GFM2: variants seen among roughly 807,000 people sequenced by gnomAD.
GFM2 encodes ribosome-releasing factor 2, mitochondrial.
In GFM2, 72 loss-of-function variants were observed where a neutral mutation model predicts 95.4. That is an observed-to-expected ratio of 0.76 (90% CI 0.62 to 0.92). GFM2 has a LOEUF of 0.92. GFM2 is among the 40% of genes least tolerant of loss of function. The probability of loss-of-function intolerance (pLI) is 0.00; values close to 1 mark genes in which losing one functional copy is unlikely to be tolerated. For synonymous variants in GFM2, 276 were observed against 317.5 expected (o/e 0.87, Z 1.39); for missense variants, 825 against 924.1 (o/e 0.89, Z 1.39).
intron 7 of GFM2, among the ~76,000 whole-genome samples, chr5:74,749,207 G>T (rs1452175911): frequency 6.6e-6 from 1 of 151,874 alleles, no homozygotes; most frequent in Admixed American, 6.6e-5. Flanking sequence ...TAAAGATGGG[G>T]TTTCGCCATG....
intron 20 of GFM2, 65 bp from the exon 21 acceptor site, chr5:74,721,848 AT>A: frequency 6.8e-7 from 1 of 1,480,622 alleles, no homozygotes. Flanking sequence ...CTTCCTGCTG[AT>A]TATCTTTTGA....
chr5:74,752,422 C>T (rs961753589), intron 5 of GFM2, among the ~76,000 whole-genome samples: 4 of 152,100 alleles, frequency 2.6e-5, no homozygotes, highest in African/African-American at 9.7e-5. Context: ...AATATGTATA[C>T]ACACACATAG....
At chr5:74,736,435 A>G (rs1742837049) in intron 15 of GFM2, 1 of 984,378 alleles carries the variant, frequency 1.0e-6, no homozygotes, top group Non-Finnish European at 1.2e-6. Flanking sequence ...AAACAAGGTA[A>G]AACAGCATTT....
chr5:74,737,290 C>T (rs1579986553), intron 14 of GFM2, among the ~76,000 whole-genome samples: 2 of 152,256 alleles, frequency 1.3e-5, no homozygotes, highest in South Asian at 4.1e-4. Flanking sequence ...CATGACAAGA[C>T]AGGTTAGGGA....
At chr5:74,764,618 C>G (rs951331099) in intron 1 of GFM2, among the ~76,000 whole-genome samples, 11 of 151,510 alleles carry the variant, frequency 7.3e-5, no homozygotes, top group Non-Finnish European at 1.6e-4. Context: ...CTGTGTTAAA[C>G]CATTGTGATC....
rs1201469920 is a variant in GFM2, at chr5:74,742,672, C to T, written c.850-1063G>A. On this transcript the variant is annotated intron_variant, in intron 10 of 20. Transcript: ENST00000296805. ...ACAACATAAAGTTTACCATTGTACTCTTTTTTTTTTTTGATACGGAGTCTG... is the reference window on the plus strand; with the variant it reads ...ACAACATAAAGTTTACCATTGTACTTTTTTTTTTTTTTGATACGGAGTCTG... Among the ~76,000 whole-genome samples, 3 of 146,780 alleles carry T rather than the reference C, an allele frequency of 2.0e-5. No individual in the cohort carries two copies. In the East Asian group the frequency reaches 5.9e-4, roughly 29 times the overall value.
chr5:74,730,573 G>A (rs1462601836), intron 16 of GFM2, 175 bp from the exon 17 acceptor site: 1 of 423,170 alleles, frequency 2.4e-6, no homozygotes, highest in East Asian at 3.6e-5. Flanking sequence ...TTTCTGACTG[G>A]AATAATGAAT....
Position 74,760,983 on chromosome 5 carries a change from T to C in GFM2, c.67A>G (p.Ile23Val), listed in dbSNP as rs1413728567. The change falls in exon 3 of 21, where the codon ATA (isoleucine) becomes GTA (valine). Residue 23 changes from isoleucine to valine, a missense_variant. Coordinates refer to ENST00000296805, the MANE Select transcript of GFM2 (RefSeq NM_032380.5). ...QTIPSVYINN[I>V]CCYKIRASLK... is the part of the protein sequence containing the mutation. ...CTTGCTCTTATTTTATAGCAGCATA[T>C]ATTCTAGTAAAGAGAAAAAGAAACT... 2 of 1,569,258 alleles carry C rather than the reference T, an allele frequency of 1.3e-6. No individual in the cohort carries two copies. Among genetic ancestry groups the C allele is most frequent in the African/African-American group, 1.4e-5 (1 of 73,798 alleles).
intron 16 of GFM2, among the ~76,000 whole-genome samples, chr5:74,731,129 C>T (rs1334342138): frequency 2.0e-5 from 3 of 152,076 alleles, no homozygotes; most frequent in South Asian, 2.1e-4. Flanking sequence ...CCTTTCTTAA[C>T]GAAAATGTAG....
chr5:74,725,639 C>A lies in GFM2; in HGVS notation c.2028+1G>T. ...CCATAAGGATTAGGATAGTTCTATA[C>A]CTTTTGCACGCATCTTGAGACACAG... On this transcript the variant is annotated splice_donor_variant, in intron 19 of 20. Transcript: ENST00000296805. LOFTEE classifies it high-confidence loss of function. 3 of 1,595,882 alleles carry A rather than the reference C, an allele frequency of 1.9e-6. No individual in the cohort carries two copies. Among genetic ancestry groups the A allele is most frequent in the East Asian group, 2.2e-5 (1 of 44,776 alleles).
chr5:74,756,656 A>AGT (rs1367101664), intron 5 of GFM2, among the ~76,000 whole-genome samples: 3 of 135,774 alleles, frequency 2.2e-5, no homozygotes, highest in Admixed American at 7.3e-5. Flanking sequence ...AACAGTGTAA[A>AGT]GTGTGTGTGT....
rs187803936 is a variant in GFM2, at chr5:74,740,204, G to T, written c.931-67C>A. 1.1e-3 allele frequency: 1,523 copies of T among 1,413,752 alleles called. 17 individuals carry two copies. In the African/African-American group the frequency reaches 0.02, roughly 19 times the overall value. The allele number at this position is 1,413,752 out of a possible 1,614,324, so 87.6% of individuals were successfully genotyped here. On this transcript the variant is annotated intron_variant, in intron 11 of 20. Coordinates refer to ENST00000296805, the MANE Select transcript of GFM2 (RefSeq NM_032380.5). ...GGTCTTGGCGAGAAGCTCAAAATTA[G>T]AGGTTTTCTCTAACCAGCCATGTAA...
At chr5:74,736,314 C>T in intron 15 of GFM2, 1 of 955,504 alleles carries the variant, frequency 1.0e-6, no homozygotes, top group Non-Finnish European at 1.2e-6. Flanking sequence ...TGAGAAGCCA[C>T]TGAAAAAAAT....
chr5:74,738,823 C>T (rs1414081546), intron 12 of GFM2, among the ~76,000 whole-genome samples, 181 bp from the exon 13 acceptor site: 2 of 152,014 alleles, frequency 1.3e-5, no homozygotes, highest in Non-Finnish European at 2.9e-5. Context: ...GGAGATCTTA[C>T]CATTAATTCC....
chr5:74,721,641 A>G lies in GFM2; in HGVS notation c.*14T>C, dbSNP rs776817056. On this transcript the variant is annotated 3_prime_UTR_variant, in exon 21 of 21. Transcript: ENST00000296805. ...GCTAGGTGCTCCTGAATTTCTCTCCAAAAACTAAAACATTTAGGTCAAACC... is the reference window on the plus strand; with the variant it reads ...GCTAGGTGCTCCTGAATTTCTCTCCGAAAACTAAAACATTTAGGTCAAACC... 6.2e-7 allele frequency: 1 copy of G among 1,604,510 alleles called. No individual in the cohort carries two copies. The highest frequency in any genetic ancestry group is 8.5e-7 in the Non-Finnish European group (1 of 1,177,068).
At chr5:74,723,171 G>C (rs1749993076) in intron 19 of GFM2, among the ~76,000 whole-genome samples, 1 of 152,116 alleles carries the variant, frequency 6.6e-6, no homozygotes, top group African/African-American at 2.4e-5. Context: ...TCACAGAACT[G>C]TTCTTAGTCC....
intron 14 of GFM2, among the ~76,000 whole-genome samples, 185 bp downstream of exon 14, chr5:74,738,133 C>T (rs1214373150): frequency 1.3e-5 from 2 of 152,016 alleles, no homozygotes; most frequent in African/African-American, 2.4e-5. Flanking sequence ...TGTGGTCTTC[C>T]GTAATCTACT....
chr5:74,751,624 T>G, intron 5 of GFM2, 131 bp from the exon 6 acceptor site: 1 of 584,490 alleles, frequency 1.7e-6, no homozygotes. Flanking sequence ...TAATAGAGCC[T>G]TTACTCTTTC....
chr5:74,740,633 G>C (rs1743064568), intron 11 of GFM2, among the ~76,000 whole-genome samples: 1 of 152,122 alleles, frequency 6.6e-6, no homozygotes, highest in South Asian at 2.1e-4. Flanking sequence ...GTGTTTGCAA[G>C]CTATTATTGG....
Sources: gnomAD v4.1 joint callset for allele counts (sites outside exome capture counted in the v4.1 genomes callset) on GRCh38, gnomAD v4.1.1 for gene constraint, MANE v1.5 for transcripts, NCBI Gene and HGNC (gene_info 2026-07-23, HGNC 2026-07-21) for gene names.